Variants in DMD observed in about 807,000 individuals in gnomAD.
The protein encoded by DMD is mutant dystrophin.
In DMD, 63 loss-of-function variants were observed where a neutral mutation model predicts 330.1. That is an observed-to-expected ratio of 0.19 (90% CI 0.16 to 0.24). DMD has a LOEUF of 0.24. DMD is among the 10% of genes least tolerant of loss of function. The pLI, the probability that DMD is intolerant of heterozygous loss-of-function variation, is 1.00. For synonymous variants in DMD, 1,223 were observed against 959.8 expected (o/e 1.27, Z -5.07); for missense variants, 3,344 against 2,684.1 (o/e 1.25, Z -5.43).
intron 1 of DMD, among the ~76,000 whole-genome samples, chrX:33,211,046 C>T (rs1449436918): frequency 8.9e-6 from 1 of 111,775 alleles, no homozygotes; most frequent in Non-Finnish European, 1.9e-5. Flanking sequence ...ATCAAGAAAT[C>T]ATGTGTTTAG....
chrX:31,282,190 C>T (rs1193279024), intron 62 of DMD, among the ~76,000 whole-genome samples: 1 of 112,187 alleles, frequency 8.9e-6, no homozygotes, highest in Non-Finnish European at 1.9e-5. Context: ...ACATCACCCA[C>T]AAGCCTTCTA....
intron 45 of DMD, among the ~76,000 whole-genome samples, chrX:31,950,417 C>T (rs878949035): frequency 3.6e-5 from 4 of 111,098 alleles, no homozygotes; most frequent in Admixed American, 1.9e-4. Context: ...TAGAATCTAT[C>T]CCAGAGAAAA....
chrX:31,379,334 G>A (rs1257824840), intron 60 of DMD, among the ~76,000 whole-genome samples: 1 of 110,774 alleles, frequency 9.0e-6, no homozygotes, highest in East Asian at 2.8e-4. Flanking sequence ...GGTGGCTGGA[G>A]CTAAAGGCAT....
At chrX:32,706,263 T>TAGGA (rs2064638023) in intron 7 of DMD, among the ~76,000 whole-genome samples, 1 of 98,336 alleles carries the variant, frequency 1.0e-5, no homozygotes, top group African/African-American at 3.7e-5. Context: ...GGGATAGCAT[T>TAGGA]AGGAGATATA....
At chrX:31,325,417 T>G (rs7050858) in intron 61 of DMD, among the ~76,000 whole-genome samples, 217 of 85,731 alleles carry the variant, frequency 2.5e-3, no homozygotes, top group African/African-American at 1.0e-2. Context: ...CTGGCCAACA[T>G]GAGGAAACGC....
intron 2 of DMD, among the ~76,000 whole-genome samples, chrX:33,014,111 A>G (rs1165984565): frequency 8.9e-6 from 1 of 111,909 alleles, no homozygotes; most frequent in Non-Finnish European, 1.9e-5. Flanking sequence ...ATTCGGGGAC[A>G]GTGGAAATTT....
intron 44 of DMD, among the ~76,000 whole-genome samples, chrX:32,058,409 T>A (rs1343896656): frequency 1.8e-5 from 2 of 109,800 alleles, no homozygotes; most frequent in Admixed American, 2.0e-4. Context: ...CAACCCAATT[T>A]TTAAAGTGAA....
At chrX:31,515,789 T>C (rs2072131028) in intron 55 of DMD, among the ~76,000 whole-genome samples, 1 of 111,847 alleles carries the variant, frequency 8.9e-6, no homozygotes, top group Admixed American at 9.5e-5. Flanking sequence ...CGAAGCAAAA[T>C]AGTTAATGCT....
chrX:32,894,207 G>A (rs189587173), intron 2 of DMD, among the ~76,000 whole-genome samples: 3 of 112,049 alleles, frequency 2.7e-5, no homozygotes, highest in African/African-American at 6.5e-5. Flanking sequence ...AAATAAACGC[G>A]TTTGTTCACA....
At chrX:33,007,283 C>A (rs183527317) in intron 2 of DMD, among the ~76,000 whole-genome samples, 1 of 110,835 alleles carries the variant, frequency 9.0e-6, no homozygotes, top group East Asian at 2.9e-4. Context: ...CACTCTGCAC[C>A]AGCCATCTTG....
intron 41 of DMD, among the ~76,000 whole-genome samples, chrX:32,320,999 T>C (rs1198285678): frequency 8.9e-6 from 1 of 111,946 alleles, no homozygotes; most frequent in Non-Finnish European, 1.9e-5. Context: ...CTGTATTTTG[T>C]TTTCAGGTAG....
At chrX:32,551,803 A>G (rs2049591920) in intron 16 of DMD, among the ~76,000 whole-genome samples, 1 of 111,908 alleles carries the variant, frequency 8.9e-6, no homozygotes, top group African/African-American at 3.2e-5. Context: ...AAATCAATGT[A>G]TAAATATCAC....
At chrX:32,026,232 C>T (rs887313097) in intron 44 of DMD, among the ~76,000 whole-genome samples, 8 of 112,176 alleles carry the variant, frequency 7.1e-5, no homozygotes, top group African/African-American at 2.6e-4. Flanking sequence ...TCAACTGAGA[C>T]ATTTATTTTG....
At chrX:31,463,164 T>C (rs1254678246) in intron 59 of DMD, among the ~76,000 whole-genome samples, 2 of 112,304 alleles carry the variant, frequency 1.8e-5, no homozygotes, top group African/African-American at 3.2e-5. Flanking sequence ...TGTCAGGCTA[T>C]GTCTTCTATG....
chrX:32,928,280 T>TC (rs2089264058), intron 2 of DMD, among the ~76,000 whole-genome samples: 1 of 110,061 alleles, frequency 9.1e-6, no homozygotes, highest in Admixed American at 9.8e-5. Context: ...ACCCATCAAC[T>TC]CCATTTCCAG....
chrX:32,614,615 C>T (rs779322362), intron 11 of DMD, among the ~76,000 whole-genome samples, 162 bp from the exon 12 acceptor site: 1 of 111,067 alleles, frequency 9.0e-6, no homozygotes, highest in East Asian at 2.8e-4. Flanking sequence ...TCAGTCACCC[C>T]GGAACTATTA....
intron 54 of DMD, among the ~76,000 whole-genome samples, chrX:31,639,896 C>T (rs2079632172): frequency 9.0e-6 from 1 of 110,721 alleles, no homozygotes; most frequent in African/African-American, 3.3e-5. Context: ...AGTTTGAAAA[C>T]CACCGATACA....
intron 63 of DMD, among the ~76,000 whole-genome samples, chrX:31,258,110 C>T (rs751079912): frequency 6.2e-5 from 7 of 112,330 alleles, no homozygotes; most frequent in African/African-American, 1.9e-4. Context: ...TTCCTATATA[C>T]GTGTAGCAGG....
At chrX:32,261,508 T>C (rs1392294232) in intron 43 of DMD, among the ~76,000 whole-genome samples, 3 of 112,238 alleles carry the variant, frequency 2.7e-5, no homozygotes, top group Non-Finnish European at 5.6e-5. Context: ...TGGTATGTTC[T>C]TGGAATTGAG....
Sources: allele counts gnomAD v4.1 joint callset (sites outside exome capture counted in the v4.1 genomes callset), GRCh38; gene constraint gnomAD v4.1.1; transcripts MANE v1.5; gene names NCBI Gene and HGNC (gene_info 2026-07-23, HGNC 2026-07-21).